The following RBFOX3 variants were observed in gnomAD, a reference collection of about 807,000 sequenced individuals.
RBFOX3 encodes the protein RNA binding fox-1 homolog 3.
A neutral mutation model predicts 48.7 loss-of-function variants in RBFOX3; 17 were observed. That is an observed-to-expected ratio of 0.35 (90% CI 0.24 to 0.52). RBFOX3 has a LOEUF of 0.52. RBFOX3 is among the 20% of genes least tolerant of loss of function. RBFOX3 has a pLI of 0.94. For synonymous variants in RBFOX3, 212 were observed against 209.5 expected, an observed-to-expected ratio of 1.01 and a Z score of -0.10; for missense variants, 382 against 497.5, an observed-to-expected ratio of 0.77 and a Z score of 2.21.
At chr17:79,455,860 C>T (rs1231604781) in intron 2 of RBFOX3, among the ~76,000 whole-genome samples, 8 of 152,320 alleles carry the variant, frequency 5.3e-5, no homozygotes, top group African/African-American at 1.7e-4. Context: ...TGGCCTCCCC[C>T]GAGGGCCACC....
intron 1 of RBFOX3, among the ~76,000 whole-genome samples, chr17:79,587,074 G>C (rs1239982130): frequency 6.6e-6 from 1 of 152,148 alleles, no homozygotes; most frequent in Non-Finnish European, 1.5e-5. Context: ...TCAATAACTG[G>C]CCGGTCCCAA....
chr17:79,530,161 A>C (rs959927303), intron 1 of RBFOX3, among the ~76,000 whole-genome samples: 7 of 152,154 alleles, frequency 4.6e-5, no homozygotes, highest in African/African-American at 1.7e-4. Context: ...CGGCAAAGTG[A>C]GTTTTCTTCG....
intron 4 of RBFOX3, among the ~76,000 whole-genome samples, chr17:79,139,013 C>T (rs968966462): frequency 2.1e-4 from 27 of 128,706 alleles, no homozygotes; most frequent in African/African-American, 6.5e-4. Context: ...ACAGCACATG[C>T]GTTCATGCCC....
At chr17:79,596,303 C>G (rs1452058117) in intron 1 of RBFOX3, among the ~76,000 whole-genome samples, 1 of 152,254 alleles carries the variant, frequency 6.6e-6, no homozygotes, top group Non-Finnish European at 1.5e-5. Context: ...CATTTCCTCT[C>G]TGGGCCAGAA....
chr17:79,298,757 C>T (rs2074824231), intron 3 of RBFOX3, among the ~76,000 whole-genome samples: 1 of 152,188 alleles, frequency 6.6e-6, no homozygotes, highest in South Asian at 2.1e-4. Flanking sequence ...CCCCCACTTA[C>T]ACACCTTGAG....
intron 2 of RBFOX3, among the ~76,000 whole-genome samples, chr17:79,455,861 G>A (rs1229786503): frequency 5.9e-5 from 9 of 152,098 alleles, no homozygotes; most frequent in African/African-American, 2.2e-4. Context: ...GGCCTCCCCC[G>A]AGGGCCACCC....
intron 2 of RBFOX3, among the ~76,000 whole-genome samples, chr17:79,379,274 G>T (rs1474618567): frequency 6.6e-6 from 1 of 152,136 alleles, no homozygotes; most frequent in Admixed American, 6.5e-5. Flanking sequence ...ACATTGTGGG[G>T]TCACTGCCAG....
chr17:79,097,167 C>T (rs1275704928), intron 11 of RBFOX3, 125 bp downstream of exon 11: 7 of 846,648 alleles, frequency 8.3e-6, no homozygotes, highest in African/African-American at 3.6e-5. Context: ...GGGGCTCCCA[C>T]GATCCTCCCC....
intron 2 of RBFOX3, among the ~76,000 whole-genome samples, chr17:79,386,703 T>A (rs2060613229): frequency 6.6e-6 from 1 of 152,156 alleles, no homozygotes; most frequent in Non-Finnish European, 1.5e-5. Context: ...GCCCCGCTGT[T>A]CCCTGCAGCC....
chr17:79,495,064 C>A (rs1306052282), intron 1 of RBFOX3, among the ~76,000 whole-genome samples: 1 of 152,044 alleles, frequency 6.6e-6, no homozygotes, highest in African/African-American at 2.4e-5. Context: ...AGGTTCATCC[C>A]CATGCGTGCT....
chr17:79,115,380 C>G (rs1568157859), intron 5 of RBFOX3, 114 bp downstream of exon 5: 6 of 597,744 alleles, frequency 1.0e-5, no homozygotes, highest in Non-Finnish European at 1.5e-5. Flanking sequence ...AGAGGCCCTG[C>G]CCAGGCCCCT....
intron 3 of RBFOX3, among the ~76,000 whole-genome samples, chr17:79,264,966 G>C (rs200752023): frequency 1.2e-5 from 1 of 85,156 alleles, no homozygotes; most frequent in Non-Finnish European, 2.6e-5. Flanking sequence ...TGCGAGAGGA[G>C]GGGGGGGGGG....
At chr17:79,301,507 C>A (rs925736458) in intron 3 of RBFOX3, among the ~76,000 whole-genome samples, 2 of 152,248 alleles carry the variant, frequency 1.3e-5, no homozygotes, top group African/African-American at 4.8e-5. Context: ...CGGCCCTGCT[C>A]ACCTAAAGGC....
At chr17:79,460,502 T>C (rs2075239289) in intron 2 of RBFOX3, among the ~76,000 whole-genome samples, 1 of 152,162 alleles carries the variant, frequency 6.6e-6, no homozygotes, top group South Asian at 2.1e-4. Context: ...GCCCTCAGCC[T>C]CAAGCCCCAT....
At chr17:79,626,519 A>G in the RBFOX3 span, among the ~76,000 whole-genome samples, 1 of 152,148 alleles carries the variant, frequency 6.6e-6, no homozygotes, top group Non-Finnish European at 1.5e-5. Context: ...CAGGATTCTC[A>G]CGGCCCCATC....
At chr17:79,628,358 G>C in the RBFOX3 span, among the ~76,000 whole-genome samples, 1 of 152,108 alleles carries the variant, frequency 6.6e-6, no homozygotes, top group Non-Finnish European at 1.5e-5. Flanking sequence ...AGACTCCCCT[G>C]GATTGTGGGA....
At chr17:79,612,565 C>T (rs952467559), upstream of RBFOX3, among the ~76,000 whole-genome samples, 3,132 of 152,276 alleles carry the variant, frequency 0.021, 63 homozygotes, top group East Asian at 0.12. Context: ...CCCTCCAGCC[C>T]GTCTGGGTCA....
intron 2 of RBFOX3, among the ~76,000 whole-genome samples, chr17:79,367,861 A>C (rs1944094907): frequency 6.6e-6 from 1 of 152,138 alleles, no homozygotes; most frequent in Non-Finnish European, 1.5e-5. Flanking sequence ...CACTGTGGAC[A>C]ATCCACCGAC....
chr17:79,092,086 GC>G (rs1033800642), intron 14 of RBFOX3: 2 of 985,370 alleles, frequency 2.0e-6, no homozygotes, highest in Admixed American at 6.1e-5. Flanking sequence ...GGTGCCTGGA[GC>G]CCCTCCCTCC....
Sources: allele counts gnomAD v4.1 joint callset (sites outside exome capture counted in the v4.1 genomes callset), GRCh38; gene constraint gnomAD v4.1.1; transcripts MANE v1.5; gene names NCBI Gene and HGNC (gene_info 2026-07-23, HGNC 2026-07-21).